INO80: variants seen among roughly 807,000 people sequenced by gnomAD.
The protein encoded by INO80 is chromatin-remodeling ATPase INO80.
Under a neutral mutation model 203.4 loss-of-function variants are expected in INO80, and 20 were observed. The ratio of observed to expected loss-of-function variants is 0.10; its 90% CI spans 0.07 to 0.14. The LOEUF (loss-of-function observed/expected upper bound fraction) is 0.14. Ranked by LOEUF, INO80 falls within the 10% of genes least tolerant of loss-of-function variation. The probability of loss-of-function intolerance (pLI) is 1.00; values close to 1 mark genes in which losing one functional copy is unlikely to be tolerated. For synonymous variants in INO80, 726 were observed against 685.2 expected (o/e 1.06, Z -0.93); for missense variants, 1,419 against 1,914.4 (o/e 0.74, Z 4.83).
At chr15:41,111,452 AG>A (rs2045957605) in intron 1 of INO80, among the ~76,000 whole-genome samples, 1 of 151,994 alleles carries the variant, frequency 6.6e-6, no homozygotes, top group Non-Finnish European at 1.5e-5. Context: ...CTCAAAAAAA[AG>A]AATTTTTTTT....
rs553081862 is a variant in INO80 at position 40,998,871 on chromosome 15, A to G, written c.3498-1270T>C. 5.9e-5 allele frequency among the ~76,000 whole-genome samples: 9 copies of G among 152,118 alleles called. No homozygotes were observed. In the South Asian group the frequency reaches 1.7e-3, roughly 28 times the overall value. The stretch of plus-strand genomic sequence containing the variant: ...GAGATGGGATTTCACCATGTTGACC[A>G]GGCTGGTCTCCTACCTCAGGTGATG... On this transcript the variant is annotated intron_variant, in intron 28 of 35. Transcript: ENST00000648947.
At chr15:41,114,678 C>T (rs1167172772) in intron 1 of INO80, among the ~76,000 whole-genome samples, 3 of 148,096 alleles carry the variant, frequency 2.0e-5, no homozygotes, top group Non-Finnish European at 4.4e-5. Flanking sequence ...CACTGCACTC[C>T]AGCCTGGACG....
chr15:41,073,635 C>A, intron 10 of INO80, 140 bp from the exon 11 acceptor site: 1 of 713,824 alleles, frequency 1.4e-6, no homozygotes, highest in Admixed American at 2.1e-5. Flanking sequence ...AAGAGAAAGG[C>A]TAAATTCTCA....
rs1893717604 is a variant in INO80 at position 40,979,184 on chromosome 15, C to T, written c.*1039G>A. ...GATTTTCAGGTGTGCAAATCAGAGG[C>T]TTGCCCGCCCGGAGGTACCTGCTCC... On this transcript the variant is annotated 3_prime_UTR_variant, in exon 36 of 36. Coordinates refer to ENST00000648947, the MANE Select transcript of INO80 (RefSeq NM_017553.3). 1 of 152,632 alleles carries T rather than the reference C, an allele frequency of 6.6e-6. No homozygotes were observed. Among genetic ancestry groups the T allele is most frequent in the Non-Finnish European group, 1.5e-5 (1 of 68,038 alleles). The allele number at this position is 152,632 out of a possible 1,614,324, so 9.5% of individuals were successfully genotyped here.
intron 28 of INO80, among the ~76,000 whole-genome samples, chr15:41,002,502 T>C (rs141763223): frequency 3.3e-5 from 5 of 152,290 alleles, no homozygotes; most frequent in Non-Finnish European, 2.9e-5. Flanking sequence ...TTTCTAATAA[T>C]TGGGTAAGCC....
At chr15:41,085,993 G>A (rs939598659) in intron 6 of INO80, among the ~76,000 whole-genome samples, 6 of 152,082 alleles carry the variant, frequency 3.9e-5, no homozygotes, top group Non-Finnish European at 8.8e-5. Context: ...CCGAGTAGCT[G>A]GGACTACAGG....
At position 41,016,154 on chromosome 15, in the gene INO80, C is replaced by A. The variant is rs767005839; in HGVS notation, c.3336G>T (p.Arg1112=). 2 of 1,613,238 alleles carry A rather than the reference C, an allele frequency of 1.2e-6. No individual in the cohort carries two copies. The highest frequency in any genetic ancestry group is 1.3e-5 in the African/African-American group (1 of 74,876). ...KLYALDVLLT[R]LKSQGHRVLI... is the part of the protein sequence containing the mutation. ...GGACCCTATGCCCTTGAGACTTGAG[C>A]CGAGTCAGCAGGACATCAAGGGCAT... The change falls in exon 27 of 36, where the codon CGG becomes CGT. Residue 1112 remains arginine, a synonymous_variant. Transcript: ENST00000648947.
intron 35 of INO80, among the ~76,000 whole-genome samples, chr15:40,982,460 C>T (rs1173925291): frequency 1.3e-5 from 2 of 152,118 alleles, no homozygotes; most frequent in South Asian, 2.1e-4. Flanking sequence ...ATGTGGTATA[C>T]GCCTATGCAT....
intron 17 of INO80, among the ~76,000 whole-genome samples, chr15:41,055,976 A>C (rs1596297890): frequency 1.6e-5 from 2 of 125,998 alleles, no homozygotes; most frequent in African/African-American, 3.0e-5. Flanking sequence ...ATGGAGTCTC[A>C]CTCTGTTGCC....
At chr15:41,100,681 C>G (rs1349826068) in intron 1 of INO80, among the ~76,000 whole-genome samples, 1 of 152,138 alleles carries the variant, frequency 6.6e-6, no homozygotes, top group Non-Finnish European at 1.5e-5. Context: ...TCTGGAGAAC[C>G]AAGTTATATT....
intron 17 of INO80, among the ~76,000 whole-genome samples, chr15:41,055,953 T>TTC: frequency 6.7e-6 from 1 of 150,136 alleles, no homozygotes; most frequent in East Asian, 1.9e-4. Flanking sequence ...TGGTTTTTTT[T>TTC]TTTTTTTTTG....
At chr15:41,109,467 A>T (rs1199527719) in intron 1 of INO80, among the ~76,000 whole-genome samples, 1 of 151,556 alleles carries the variant, frequency 6.6e-6, no homozygotes, top group Non-Finnish European at 1.5e-5. Context: ...ACTAATGAGT[A>T]ATTGGCCACT....
intron 7 of INO80, among the ~76,000 whole-genome samples, chr15:41,084,722 TTTTA>T (rs1411853857): frequency 5.3e-5 from 8 of 152,130 alleles, no homozygotes; most frequent in African/African-American, 7.2e-5. Context: ...CTCCTTTTTA[TTTTA>T]TTTAATTTTT....
At chr15:41,006,147 C>T (rs547123963) in intron 27 of INO80, among the ~76,000 whole-genome samples, 38 of 152,182 alleles carry the variant, frequency 2.5e-4, no homozygotes, top group Non-Finnish European at 5.0e-4. Flanking sequence ...CTTCCTTCTC[C>T]CAACAGAGCA....
At chr15:41,032,577 C>T (rs1407992579) in intron 24 of INO80, among the ~76,000 whole-genome samples, 2 of 152,022 alleles carry the variant, frequency 1.3e-5, no homozygotes, top group Non-Finnish European at 2.9e-5. Context: ...CAATCAATAG[C>T]CCGTCAAAAA....
rs2044285785 is a variant in INO80, at chr15:41,020,994, G to A, written c.3180C>T (p.Asp1060=). The A allele has an allele frequency of 6.2e-7, 1 of 1,614,108 alleles. No individual in the cohort carries two copies. The highest frequency in any genetic ancestry group is 8.5e-7 in the Non-Finnish European group (1 of 1,179,960). Residue 1060 remains aspartate (D), a synonymous_variant, in exon 26 of 36, where the codon GAC becomes GAT. Coordinates refer to ENST00000648947, the MANE Select transcript of INO80 (RefSeq NM_017553.3). ...LLNGAPELAA[D]WLNRRSQFFP... Reference sequence around the variant, plus strand: ...AGAACTGTGATCGTCTATTTAGCCAGTCTGCAGCCAGTTCAGGGGCCCCAT... The same window carrying A: ...AGAACTGTGATCGTCTATTTAGCCAATCTGCAGCCAGTTCAGGGGCCCCAT...
At chr15:41,037,734 G>A (rs2044602020) in intron 24 of INO80, among the ~76,000 whole-genome samples, 1 of 151,960 alleles carries the variant, frequency 6.6e-6, no homozygotes, top group Non-Finnish European at 1.5e-5. Flanking sequence ...CTTGAGACCA[G>A]GAGTTCGAGA....
intron 24 of INO80, among the ~76,000 whole-genome samples, chr15:41,029,110 T>C (rs1471041606): frequency 1.3e-5 from 2 of 152,244 alleles, no homozygotes; most frequent in South Asian, 2.1e-4. Context: ...TAGATGAAGA[T>C]AACATACAAG....
intron 25 of INO80, among the ~76,000 whole-genome samples, chr15:41,025,530 C>T (rs1290687533): frequency 6.6e-6 from 1 of 152,060 alleles, no homozygotes; most frequent in East Asian, 1.9e-4. Flanking sequence ...GCCTGGCTAA[C>T]ATGGTGAAAC....
Sources: allele counts gnomAD v4.1 joint callset (sites outside exome capture counted in the v4.1 genomes callset), GRCh38; gene constraint gnomAD v4.1.1; transcripts MANE v1.5; gene names NCBI Gene and HGNC (gene_info 2026-07-23, HGNC 2026-07-21).